Variants in WDR45B observed in about 807,000 individuals in gnomAD.
WDR45B encodes the protein WD repeat domain phosphoinositide-interacting protein 3.
WDR45B carries 20 observed loss-of-function variants against 44.6 expected under a neutral mutation model. That is an observed-to-expected ratio of 0.45 (90% CI 0.32 to 0.65). The LOEUF (loss-of-function observed/expected upper bound fraction) is 0.65. WDR45B is among the 30% of genes least tolerant of loss of function. The pLI, the probability that WDR45B is intolerant of heterozygous loss-of-function variation, is 0.05. For synonymous variants in WDR45B, 169 were observed against 164.9 expected (o/e 1.02, Z -0.19); for missense variants, 323 against 430.2 (o/e 0.75, Z 2.20).
intron 2 of WDR45B, among the ~76,000 whole-genome samples, chr17:82,635,465 G>A (rs897908887): frequency 3.6e-5 from 5 of 138,972 alleles, no homozygotes; most frequent in African/African-American, 5.4e-5. Context: ...TGCTCTTGTC[G>A]CCCAGGATGG....
rs373710823 is a variant in WDR45B at position 82,621,683 on chromosome 17, G to A, written c.544C>T (p.Pro182Ser). 6.2e-7 allele frequency: 1 copy of A among 1,614,198 alleles called. No homozygotes were observed. The highest frequency in any genetic ancestry group is 1.7e-5 in the Admixed American group (1 of 60,036). The change falls in exon 6 of 10, where the codon CCT becomes TCT. Residue 182 changes from proline (P) to serine (S), a missense_variant. By Grantham distance (74) the Pro-to-Ser change is moderately conservative. Coordinates refer to ENST00000392325, the MANE Select transcript of WDR45B (RefSeq NM_019613.4). The stretch of plus-strand genomic sequence containing the variant: ...CAGCTCAGGACACCCTCGTGTGCAG[G>A]AATGTCCACGGGTGGCTTCTCCGTG... ...ASTEKPPVDIPAHEGVLSCIA... is the reference protein window; with the variant it reads ...ASTEKPPVDISAHEGVLSCIA...
At chr17:82,630,808 A>C in intron 3 of WDR45B, 113 bp downstream of exon 3, 1 of 1,070,664 alleles carries the variant, frequency 9.3e-7, no homozygotes, top group Non-Finnish European at 1.4e-6. Flanking sequence ...CCAGTCCTGG[A>C]TATTTCACAG....
At chr17:82,639,774 G>C (rs1020730905) in intron 2 of WDR45B, among the ~76,000 whole-genome samples, 1 of 149,680 alleles carries the variant, frequency 6.7e-6, no homozygotes, top group East Asian at 2.0e-4. Context: ...GGGCTGCTGG[G>C]CTGTGTGTGT....
At chr17:82,618,972 C>T (rs2045576667) in intron 7 of WDR45B, 71 bp downstream of exon 7, 3 of 1,496,464 alleles carry the variant, frequency 2.0e-6, no homozygotes, top group Non-Finnish European at 2.8e-6. Flanking sequence ...CCCCCTCTCC[C>T]AAATCCCAAA....
intron 5 of WDR45B, among the ~76,000 whole-genome samples, chr17:82,624,146 G>A (rs894418766): frequency 2.6e-5 from 4 of 152,076 alleles, no homozygotes; most frequent in African/African-American, 7.2e-5. Context: ...GCCAAAACAC[G>A]GCCGAAGGGA....
At chr17:82,617,564 C>A in intron 7 of WDR45B, 167 bp from the exon 8 acceptor site, 1 of 705,028 alleles carries the variant, frequency 1.4e-6, no homozygotes, top group Non-Finnish European at 2.5e-6. Flanking sequence ...ATCCCCACAG[C>A]ACCACAGGTT....
intron 2 of WDR45B, among the ~76,000 whole-genome samples, chr17:82,642,652 C>T (rs757094372): frequency 6.6e-6 from 1 of 152,218 alleles, no homozygotes; most frequent in Non-Finnish European, 1.5e-5. Flanking sequence ...CCTGTGGGAT[C>T]TGACTCTATC....
At chr17:82,646,924 G>C (rs770842486) in intron 1 of WDR45B, among the ~76,000 whole-genome samples, 1 of 152,126 alleles carries the variant, frequency 6.6e-6, no homozygotes, top group Non-Finnish European at 1.5e-5. Flanking sequence ...TCACTGAGAG[G>C]GAGTTCTTTC....
intron 5 of WDR45B, among the ~76,000 whole-genome samples, chr17:82,623,464 G>A (rs2045647679): frequency 6.6e-6 from 1 of 151,268 alleles, no homozygotes; most frequent in Admixed American, 6.6e-5. Context: ...CACTTTGGGA[G>A]GCCGAGGCAG....
At position 82,619,561 on chromosome 17, in the gene WDR45B, CA is replaced by C. The variant is rs11390951; in HGVS notation, c.619-434del. ...GAATCCGGCCATCAAAAAGGTGAGG[CA>C]AAAAAAAAAAAATAAAAGGACTTAA... On this transcript the variant is annotated intron_variant, in intron 6 of 9. Coordinates refer to ENST00000392325, the MANE Select transcript of WDR45B (RefSeq NM_019613.4). Among the ~76,000 whole-genome samples the C allele has an allele frequency of 8.6e-3, 1,230 of 142,726 alleles. 56 individuals are homozygous for C. Among genetic ancestry groups the C allele is most frequent in the Admixed American group, 0.073 (1,049 of 14,404 alleles). 93.6% of individuals were successfully genotyped at this position (142,726 alleles called of 152,430 possible). A position where few individuals can be genotyped will look rare whatever the true frequency, so the allele number is the denominator to read the frequency against.
At chr17:82,621,847 A>T (rs955553784) in intron 5 of WDR45B, 48 bp from the exon 6 acceptor site, 2 of 1,598,100 alleles carry the variant, frequency 1.3e-6, no homozygotes, top group Non-Finnish European at 1.7e-6. Flanking sequence ...TTGATTTCTC[A>T]CAGCCAAAGT....
At chr17:82,648,127 G>A (rs1036504596) in intron 1 of WDR45B, 147 bp downstream of exon 1, 3 of 923,772 alleles carry the variant, frequency 3.2e-6, no homozygotes, top group Admixed American at 3.6e-5. Flanking sequence ...GCCGGGGCCG[G>A]GGGCTTCGGA....
chr17:82,614,876 C>CTA lies in WDR45B; in HGVS notation c.*1041_*1042dup, dbSNP rs2045509144. On this transcript the variant is annotated 3_prime_UTR_variant, in exon 10 of 10. Transcript: ENST00000392325. ...TAGCTGACAATGTAGAGCCCATAAC[C>CTA]TAGTTACCAAATGTTAAAAAAAGTT... The CTA allele has an allele frequency of 6.6e-6, 1 of 152,154 alleles. No homozygotes were observed. Among genetic ancestry groups the CTA allele is most frequent in the African/African-American group, 2.4e-5 (1 of 41,414 alleles). 9.4% of individuals were successfully genotyped at this position (152,154 alleles called of 1,614,324 possible). A position where few individuals can be genotyped will look rare whatever the true frequency, so the allele number is the denominator to read the frequency against.
intron 6 of WDR45B, among the ~76,000 whole-genome samples, chr17:82,621,331 G>C (rs1439985373): frequency 6.6e-6 from 1 of 152,198 alleles, no homozygotes; most frequent in African/African-American, 2.4e-5. Context: ...TGGGATTACA[G>C]GTTTAGCCAC....
rs911234843 is a variant in WDR45B, at chr17:82,615,181, C to T, written c.*738G>A. Reference sequence around the variant, plus strand: ...AAATGTAACCAGGAGACCCCCCGTCCCCGCCCCGCACACGCCTGAGGTGTG... The same window carrying T: ...AAATGTAACCAGGAGACCCCCCGTCTCCGCCCCGCACACGCCTGAGGTGTG... On this transcript the variant is annotated 3_prime_UTR_variant, in exon 10 of 10. Transcript: ENST00000392325. 2 of 152,708 alleles carry T rather than the reference C, an allele frequency of 1.3e-5. No homozygotes were observed. Among genetic ancestry groups the T allele is most frequent in the Non-Finnish European group, 2.9e-5 (2 of 68,454 alleles). The allele number at this position is 152,708 out of a possible 1,614,324, so 9.5% of individuals were successfully genotyped here.
chr17:82,616,190 G>A (rs2045532502), intron 9 of WDR45B, among the ~76,000 whole-genome samples, 165 bp from the exon 10 acceptor site: 1 of 152,154 alleles, frequency 6.6e-6, no homozygotes, highest in African/African-American at 2.4e-5. Flanking sequence ...TCGGCACCGT[G>A]GCCGGGAATC....
chr17:82,616,437 A>T lies in WDR45B; in HGVS notation c.928+87T>A, dbSNP rs545933100. 71 of 1,604,352 alleles carry T rather than the reference A, an allele frequency of 4.4e-5. 2 individuals carry two copies. In the South Asian group the frequency reaches 7.7e-4, roughly 17 times the overall value. The stretch of plus-strand genomic sequence containing the variant: ...ATCGGTGCCACAGCGCGGTGCTGGG[A>T]CGTCCATGGGAAGTTAGGTCTGACG... On this transcript the variant is annotated intron_variant, in intron 9 of 9. Coordinates refer to ENST00000392325, the MANE Select transcript of WDR45B (RefSeq NM_019613.4).
In WDR45B at chr17:82,615,666, C is replaced by A; in HGVS notation, c.*253G>T. ...CTGAAGCTAACGTCACAGCTGAACT[C>A]ATGGGAACAGCCAGTGGCCGCCAGT... On this transcript the variant is annotated 3_prime_UTR_variant, in exon 10 of 10. Transcript: ENST00000392325. 1.9e-6 allele frequency: 1 copy of A among 534,090 alleles called. No individual in the cohort carries two copies. The highest frequency in any genetic ancestry group is 3.4e-6 in the Non-Finnish European group (1 of 295,006). The allele number at this position is 534,090 out of a possible 1,614,324, so 33.1% of individuals were successfully genotyped here.
At chr17:82,621,893 A>G in intron 5 of WDR45B, 94 bp from the exon 6 acceptor site, 1 of 1,271,520 alleles carries the variant, frequency 7.9e-7, no homozygotes, top group Admixed American at 2.0e-5. Context: ...GAAAAAATAG[A>G]TGTATATCAT....
Sources: gnomAD v4.1 joint callset for allele counts (sites outside exome capture counted in the v4.1 genomes callset) on GRCh38, gnomAD v4.1.1 for gene constraint, MANE v1.5 for transcripts, NCBI Gene and HGNC (gene_info 2026-07-23, HGNC 2026-07-21) for gene names.